NAALADL2: variants seen among roughly 807,000 people sequenced by gnomAD.
The protein encoded by NAALADL2 is N-acetylated alpha-linked acidic dipeptidase like 2, also known as inactive N-acetylated-alpha-linked acidic dipeptidase-like protein 2.
Under a neutral mutation model 87.2 loss-of-function variants are expected in NAALADL2, and 76 were observed. The ratio of observed to expected loss-of-function variants is 0.87; its 90% CI spans 0.72 to 1.05. The LOEUF is 1.05. NAALADL2 is among the 50% of genes least tolerant of loss of function. NAALADL2 has a pLI of 0.00. For synonymous variants in NAALADL2, 354 were observed against 331.0 expected, an observed-to-expected ratio of 1.07 and a Z score of -0.75; for missense variants, 1,089 against 945.8, an observed-to-expected ratio of 1.15 and a Z score of -1.99.
chr3:174,980,357 AG>A (rs1484243065), intron 1 of NAALADL2, among the ~76,000 whole-genome samples: 1 of 152,158 alleles, frequency 6.6e-6, no homozygotes, highest in Admixed American at 6.5e-5. Context: ...TTATAGAGGA[AG>A]GTGGAGTGGT....
At chr3:175,591,818 ATATATATATG>A (rs1721521286) in intron 10 of NAALADL2, among the ~76,000 whole-genome samples, 1 of 88,024 alleles carries the variant, frequency 1.1e-5, no homozygotes, top group Non-Finnish European at 2.5e-5. Context: ...ATATATATAT[ATATATATATG>A]TATGAAAATG....
At chr3:175,751,959 G>A (rs1355471955) in intron 12 of NAALADL2, among the ~76,000 whole-genome samples, 1 of 151,506 alleles carries the variant, frequency 6.6e-6, no homozygotes, top group Non-Finnish European at 1.5e-5. Context: ...CCTTTATTTT[G>A]CAACTATAAT....
chr3:175,639,046 G>T (rs1040379650), intron 11 of NAALADL2, among the ~76,000 whole-genome samples: 3 of 152,136 alleles, frequency 2.0e-5, no homozygotes, highest in Non-Finnish European at 4.4e-5. Flanking sequence ...TTAATGACTT[G>T]TGATATGTTT....
chr3:175,537,897 G>A (rs1711550251), intron 9 of NAALADL2, among the ~76,000 whole-genome samples: 1 of 152,112 alleles, frequency 6.6e-6, no homozygotes, highest in Non-Finnish European at 1.5e-5. Context: ...CTTCTATTTG[G>A]TAGGTTTCAT....
chr3:175,395,809 C>A (rs9813058), intron 5 of NAALADL2, among the ~76,000 whole-genome samples: 39,211 of 151,976 alleles, frequency 0.26, 5,364 homozygotes, highest in East Asian at 0.47. Flanking sequence ...AACAGCTGCC[C>A]CTCTCATGAG....
chr3:175,064,431 A>G (rs888229706), intron 1 of NAALADL2, among the ~76,000 whole-genome samples: 1 of 152,094 alleles, frequency 6.6e-6, no homozygotes, highest in Non-Finnish European at 1.5e-5. Flanking sequence ...AGATGTAGGC[A>G]ATTTTAGGCA....
intron 1 of NAALADL2, among the ~76,000 whole-genome samples, chr3:175,035,820 A>G (rs1344334173): frequency 6.6e-6 from 1 of 152,172 alleles, no homozygotes; most frequent in African/African-American, 2.4e-5. Flanking sequence ...TGGGAAGCTT[A>G]TTGAAAATTC....
intron 11 of NAALADL2, among the ~76,000 whole-genome samples, chr3:175,700,466 G>A (rs2149963710): frequency 6.6e-6 from 1 of 152,262 alleles, no homozygotes; most frequent in East Asian, 1.9e-4. Flanking sequence ...AAGCTGTTCT[G>A]ACAAAGGTAA....
chr3:175,520,918 C>T (rs1376711406), intron 9 of NAALADL2, among the ~76,000 whole-genome samples: 9 of 152,150 alleles, frequency 5.9e-5, no homozygotes, highest in South Asian at 2.1e-4. Context: ...CCTACTTTTA[C>T]GGGTAAAATT....
At chr3:175,791,772 T>A (rs963281095) in intron 13 of NAALADL2, among the ~76,000 whole-genome samples, 1 of 151,718 alleles carries the variant, frequency 6.6e-6, no homozygotes, top group African/African-American at 2.4e-5. Context: ...ATATATACAG[T>A]ATATTTTTTC....
At chr3:174,751,901 G>A (rs967542329) in intron 3 of NAALADL2, among the ~76,000 whole-genome samples, 3 of 152,092 alleles carry the variant, frequency 2.0e-5, no homozygotes, top group Non-Finnish European at 2.9e-5. Context: ...TATTGTACGA[G>A]GAGGGTTTCT....
At chr3:175,337,314 T>C (rs1350977389) in intron 5 of NAALADL2, among the ~76,000 whole-genome samples, 7 of 152,154 alleles carry the variant, frequency 4.6e-5, no homozygotes, top group Admixed American at 4.6e-4. Flanking sequence ...ATGGAATCCA[T>C]GTGATATTCA....
chr3:175,562,673 A>G (rs1191775661), intron 9 of NAALADL2, among the ~76,000 whole-genome samples: 1 of 152,054 alleles, frequency 6.6e-6, no homozygotes, highest in East Asian at 1.9e-4. Flanking sequence ...AATATAATTT[A>G]GGAAATTAAA....
At position 175,794,321 on chromosome 3, in the gene NAALADL2, A is replaced by C. The variant is rs1753188426; in HGVS notation, c.2190-8684A>C. 2.0e-5 allele frequency among the ~76,000 whole-genome samples: 3 copies of C among 152,164 alleles called. No individual in the cohort carries two copies. In the South Asian group the frequency reaches 6.2e-4, roughly 31 times the overall value. ...GAGTTTGAGTTCATACATAGAGATA[A>C]GATGAAAGAAAATGGTCGCGATGAA... On this transcript the variant is annotated intron_variant, in intron 13 of 13. Transcript: ENST00000454872.
intron 1 of NAALADL2, among the ~76,000 whole-genome samples, chr3:174,901,357 C>T (rs1034272459): frequency 6.6e-6 from 1 of 152,112 alleles, no homozygotes; most frequent in Non-Finnish European, 1.5e-5. Context: ...AGCCCTGTCT[C>T]TATGGGCAAT....
chr3:174,649,679 ACAG>A (rs1724157948), intron 2 of NAALADL2, among the ~76,000 whole-genome samples: 1 of 152,192 alleles, frequency 6.6e-6, no homozygotes, highest in Admixed American at 6.5e-5. Flanking sequence ...GAGGGAAAGA[ACAG>A]CAGAAAGAAA....
At chr3:175,713,840 C>A (rs149322056) in intron 11 of NAALADL2, among the ~76,000 whole-genome samples, 12 of 152,174 alleles carry the variant, frequency 7.9e-5, no homozygotes, top group African/African-American at 2.9e-4. Context: ...ATCAACCCAT[C>A]ATCTACATTA....
At chr3:174,848,930 C>T (rs868159369) in intron 3 of NAALADL2, among the ~76,000 whole-genome samples, 4 of 152,074 alleles carry the variant, frequency 2.6e-5, no homozygotes, top group Admixed American at 1.3e-4. Context: ...AGGCTGTAAA[C>T]CTGTAGAGCA....
intron 5 of NAALADL2, among the ~76,000 whole-genome samples, chr3:175,410,658 A>G (rs560252977): frequency 2.0e-5 from 3 of 152,304 alleles, no homozygotes; most frequent in Non-Finnish European, 2.9e-5. Flanking sequence ...ACATATTTAC[A>G]TGATACAGTA....
Sources: allele counts gnomAD v4.1 joint callset (sites outside exome capture counted in the v4.1 genomes callset), GRCh38; gene constraint gnomAD v4.1.1; transcripts MANE v1.5; gene names NCBI Gene and HGNC (gene_info 2026-07-23, HGNC 2026-07-21).